RBFOX3: variants seen among roughly 807,000 people sequenced by gnomAD.
RBFOX3 encodes the protein RNA binding protein fox-1 homolog 3.
Under a neutral mutation model 48.7 loss-of-function variants are expected in RBFOX3, and 17 were observed. The ratio of observed to expected loss-of-function variants is 0.35; its 90% CI spans 0.24 to 0.52. The LOEUF is 0.52. Ranked by LOEUF, RBFOX3 falls within the 20% of genes least tolerant of loss-of-function variation. The pLI is 0.94. For synonymous variants in RBFOX3, 212 were observed against 209.5 expected (o/e 1.01, Z -0.10); for missense variants, 382 against 497.5 (o/e 0.77, Z 2.21).
At chr17:79,422,451 G>T (rs1411702599) in intron 2 of RBFOX3, among the ~76,000 whole-genome samples, 5 of 151,994 alleles carry the variant, frequency 3.3e-5, no homozygotes, top group African/African-American at 4.8e-5. Flanking sequence ...GGGGTCACCT[G>T]CCCGAGCCGG....
chr17:79,106,175 C>CG (rs1022588020), intron 6 of RBFOX3, among the ~76,000 whole-genome samples: 14 of 151,948 alleles, frequency 9.2e-5, no homozygotes, highest in Admixed American at 8.5e-4. Context: ...GCCCGGCCCC[C>CG]GGGCACACAA....
chr17:79,501,317 T>C (rs782302875), intron 1 of RBFOX3, among the ~76,000 whole-genome samples: 40,946 of 152,124 alleles, frequency 0.27, 5,827 homozygotes, highest in African/African-American at 0.35. Flanking sequence ...CACCTCCACA[T>C]GTCCAGCGGA....
intron 3 of RBFOX3, among the ~76,000 whole-genome samples, chr17:79,272,073 C>A (rs576848093): frequency 3.0e-4 from 45 of 152,292 alleles, no homozygotes; most frequent in African/African-American, 1.1e-3. Flanking sequence ...TGAGAGACGA[C>A]GGAAACTTGT....
At chr17:79,583,430 C>T (rs1054092648) in intron 1 of RBFOX3, among the ~76,000 whole-genome samples, 1 of 152,230 alleles carries the variant, frequency 6.6e-6, no homozygotes, top group African/African-American at 2.4e-5. Flanking sequence ...CAGTGCCCCA[C>T]AGTGACTGCA....
Position 79,204,288 on chromosome 17 carries a change from CACACACCAGCGGGCGCCGGGGAGCGGGT to C in RBFOX3, c.-34+31450_-34+31477del, listed in dbSNP as rs1430968655. On this transcript the variant is annotated intron_variant, in intron 4 of 14. Transcript: ENST00000693108. This position sits in a 1 kb window ranked among gnomAD's most constrained non-coding sequence, Gnocchi z 4.5. ...ACACCAGTGGACGCCGGGGAGCGGA[CACACACCAGCGGGCGCCGGGGAGCGGGT>C]ACACACCAGCGGGTGCCGGGGAGCA... Among the ~76,000 whole-genome samples the C allele has an allele frequency of 5.9e-5, 9 of 151,896 alleles. No homozygotes were observed. The highest frequency in any genetic ancestry group is 3.9e-4 in the East Asian group (2 of 5,184).
In RBFOX3 at chr17:79,194,378, G is replaced by A. The variant is rs939253197; in HGVS notation, c.-34+41388C>T. Among the ~76,000 whole-genome samples the A allele has an allele frequency of 4.6e-5, 7 of 151,982 alleles. No individual in the cohort carries two copies. The South Asian group carries it at 6.2e-4, about 14-fold the overall frequency. On this transcript the variant is annotated intron_variant, in intron 4 of 14. Transcript: ENST00000693108. ...TCCCAGCACTTTGGGAGGCTGAGGC[G>A]GGTGGATCACTTGAGGTCAGGAGTT...
rs1335512635 is a variant in RBFOX3, at chr17:79,477,556, C to T, written c.-175+4898G>A. 7.1e-5 allele frequency among the ~76,000 whole-genome samples: 10 copies of T among 139,984 alleles called. No homozygotes were observed. The highest frequency in any genetic ancestry group is 2.5e-4 in the South Asian group (1 of 4,030). 91.8% of individuals were successfully genotyped at this position (139,984 alleles called of 152,430 possible). On this transcript the variant is annotated intron_variant, in intron 2 of 14. Coordinates refer to ENST00000693108, the MANE Select transcript of RBFOX3 (RefSeq NM_001350451.2). The surrounding 1 kb of genome is among the most constrained non-coding windows in gnomAD (Gnocchi z 4.8). ...GGGCGACAGAGCGAAACTCCGTCAC[C>T]GGAAAAAAAAAAAGAGGAGGAGGAG... is the stretch of plus-strand genomic sequence containing the variant.
intron 14 of RBFOX3, chr17:79,092,690 G>C: frequency 1.1e-6 from 1 of 900,810 alleles, no homozygotes; most frequent in Non-Finnish European, 1.3e-6. Flanking sequence ...TCTTTTGGAA[G>C]AGGGGAAAAA....
At chr17:79,622,870 A>G in the RBFOX3 span, among the ~76,000 whole-genome samples, 1 of 152,250 alleles carries the variant, frequency 6.6e-6, no homozygotes, top group Non-Finnish European at 1.5e-5. Context: ...CAACACAGCC[A>G]CAGTGGTTCC....
At chr17:79,377,546 G>A (rs997357814) in intron 2 of RBFOX3, among the ~76,000 whole-genome samples, 1 of 152,212 alleles carries the variant, frequency 6.6e-6, no homozygotes, top group Non-Finnish European at 1.5e-5. Context: ...TGCTGTAGGT[G>A]CGGCGGCCGA....
intron 3 of RBFOX3, among the ~76,000 whole-genome samples, chr17:79,250,790 T>G (rs1001909313): frequency 8.4e-6 from 1 of 119,610 alleles, no homozygotes; most frequent in Non-Finnish European, 1.7e-5. Flanking sequence ...CCTCCCTCCC[T>G]TCCTTTCCCT....
chr17:79,417,671 C>G (rs1324546975), intron 2 of RBFOX3, among the ~76,000 whole-genome samples: 3 of 152,236 alleles, frequency 2.0e-5, no homozygotes, highest in African/African-American at 7.2e-5. Context: ...TTTGGCGGTT[C>G]CTTAAACAAT....
At chr17:79,294,564 G>C (rs919405439) in intron 3 of RBFOX3, among the ~76,000 whole-genome samples, 3 of 152,066 alleles carry the variant, frequency 2.0e-5, no homozygotes, top group African/African-American at 4.8e-5. Flanking sequence ...TGCCTGCCGC[G>C]ACTGGGATTA....
At chr17:79,559,080 C>G (rs972862660) in intron 1 of RBFOX3, among the ~76,000 whole-genome samples, 7 of 152,260 alleles carry the variant, frequency 4.6e-5, no homozygotes, top group African/African-American at 1.7e-4. Flanking sequence ...CAGTCTTACA[C>G]GGGCAGCAGC....
At chr17:79,202,167 G>A (rs1399648136) in intron 4 of RBFOX3, among the ~76,000 whole-genome samples, 1 of 152,144 alleles carries the variant, frequency 6.6e-6, no homozygotes, top group Non-Finnish European at 1.5e-5. Context: ...TCTGGAGGAA[G>A]ACACCCCGGG....
the RBFOX3 span, among the ~76,000 whole-genome samples, chr17:79,647,890 G>A: frequency 1.3e-5 from 2 of 152,216 alleles, no homozygotes; most frequent in East Asian, 3.9e-4. Context: ...GGGTGGAGTG[G>A]TAGAGACAGA....
intron 2 of RBFOX3, among the ~76,000 whole-genome samples, chr17:79,335,493 G>A (rs1226747478): frequency 6.6e-6 from 1 of 152,164 alleles, no homozygotes; most frequent in African/African-American, 2.4e-5. Context: ...GCTGAGGTCC[G>A]ACACTTGGCC....
chr17:79,580,087 A>G (rs1351333684), intron 1 of RBFOX3, among the ~76,000 whole-genome samples: 1 of 151,870 alleles, frequency 6.6e-6, no homozygotes, highest in East Asian at 1.9e-4. Context: ...TACCTTCCCA[A>G]TCTCATCTCT....
intron 2 of RBFOX3, among the ~76,000 whole-genome samples, chr17:79,382,544 G>A (rs752313139): frequency 8.7e-5 from 13 of 149,332 alleles, no homozygotes; most frequent in Non-Finnish European, 1.1e-4. Context: ...ACGGGCAGGC[G>A]GGGCCCCTGT....
Sources: gnomAD v4.1 joint callset for allele counts (sites outside exome capture counted in the v4.1 genomes callset) on GRCh38, gnomAD v4.1.1 for gene constraint, Gnocchi (gnomAD v3.1) non-coding constraint, MANE v1.5 for transcripts, NCBI Gene and HGNC (gene_info 2026-07-23, HGNC 2026-07-21) for gene names.